ZNF710: variants seen among roughly 807,000 people sequenced by gnomAD.
The protein encoded by ZNF710 is zinc finger protein 710.
ZNF710 carries 13 observed loss-of-function variants against 50.6 expected under a neutral mutation model. The ratio of observed to expected loss-of-function variants is 0.26; its 90% CI spans 0.17 to 0.41. The LOEUF is 0.41. ZNF710 is among the 10% of genes least tolerant of loss of function. The pLI, the probability that ZNF710 is intolerant of heterozygous loss-of-function variation, is 1.00. For synonymous variants in ZNF710, 383 were observed against 397.0 expected (o/e 0.96, Z 0.42); for missense variants, 721 against 936.6 (o/e 0.77, Z 3.01).
chr15:90,071,677 C>CTTTTTTTTTTTTTTTTT (rs201729973), intron 2 of ZNF710, among the ~76,000 whole-genome samples: 2 of 127,260 alleles, frequency 1.6e-5, no homozygotes, highest in African/African-American at 2.9e-5. Context: ...TTTATTTTTA[C>CTTTTTTTTTTTTTTTTT]TCTTTTTTTT....
In ZNF710 at chr15:90,068,539, T is replaced by C. The variant is rs1363108332; in HGVS notation, c.1402T>C (p.Cys468Arg). ...CGTGCGACCCTTCGTGTGCACTGAA[T>C]GCGGCATGGAGTTCAGCCAGATTCA... ...QNVRPFVCTE[C>R]GMEFSQIHHL... is the part of the protein sequence containing the mutation. Residue 468 changes from cysteine to arginine, a missense_variant, in exon 2 of 5, where the codon TGC becomes CGC. Coordinates refer to ENST00000268154, the MANE Select transcript of ZNF710 (RefSeq NM_198526.4). This position sits in a 1 kb window ranked among gnomAD's most constrained non-coding sequence, Gnocchi z 5.0. The C allele has an allele frequency of 6.2e-7, 1 of 1,611,846 alleles. No homozygotes were observed.
chr15:90,005,128 C>T (rs774442637), intron 1 of ZNF710, among the ~76,000 whole-genome samples: 26 of 152,152 alleles, frequency 1.7e-4, no homozygotes, highest in Non-Finnish European at 3.5e-4. Context: ...TGTACTAGAA[C>T]GTTTGTGAGG....
chr15:90,048,413 C>T (rs1055177777), intron 1 of ZNF710, among the ~76,000 whole-genome samples: 4 of 152,236 alleles, frequency 2.6e-5, no homozygotes, highest in South Asian at 2.1e-4. Context: ...AGAGCCAGGA[C>T]GAAGCCCTGG....
intron 1 of ZNF710, among the ~76,000 whole-genome samples, chr15:90,017,971 C>CAAAGGCTAGCTTT (rs1156265935): frequency 4.6e-5 from 7 of 150,780 alleles, no homozygotes; most frequent in Non-Finnish European, 8.8e-5. Flanking sequence ...TCTCTCTTAG[C>CAAAGGCTAGCTTT]AAAGGCTAGC....
rs1567236953 is a variant in ZNF710 at position 90,058,721 on chromosome 15, A to ATATATATATATATATGTATG, written c.-28-8389_-28-8388insTATATATATATATATGTATG. 2.0e-3 allele frequency among the ~76,000 whole-genome samples: 296 copies of ATATATATATATATATGTATG among 144,524 alleles called. 6 individuals are homozygous for ATATATATATATATATGTATG. The highest frequency in any genetic ancestry group is 7.8e-3 in the African/African-American group (270 of 34,518). 94.8% of individuals were successfully genotyped at this position (144,524 alleles called of 152,430 possible). The stretch of plus-strand genomic sequence containing the variant: ...TATATTTATATATATATATATATAC[A>ATATATATATATATATGTATG]CACATATACACACACACGTACACAG... On this transcript the variant is annotated intron_variant, in intron 1 of 4. Transcript: ENST00000268154.
intron 3 of ZNF710, 24 bp downstream of exon 3, chr15:90,073,286 G>T (rs369870358): frequency 1.2e-6 from 2 of 1,605,298 alleles, no homozygotes; most frequent in Non-Finnish European, 1.7e-6. Flanking sequence ...AGGCCCCGGG[G>T]CTGGGACCTC....
chr15:90,019,187 C>CTTATTTTTTTTTTTTTTTTTTT (rs1898539265), intron 1 of ZNF710, among the ~76,000 whole-genome samples: 1 of 89,388 alleles, frequency 1.1e-5, no homozygotes, highest in Non-Finnish European at 2.1e-5. Context: ...CTTTTTCTTT[C>CTTATTTTTTTTTTTTTTTTTTT]TTTTTTTTTT....
chr15:90,020,117 G>A (rs915544157), intron 1 of ZNF710, among the ~76,000 whole-genome samples: 1 of 152,146 alleles, frequency 6.6e-6, no homozygotes, highest in African/African-American at 2.4e-5. Flanking sequence ...TGGAATTACT[G>A]AGGAAGTAGC....
intron 1 of ZNF710, among the ~76,000 whole-genome samples, chr15:90,043,253 G>A (rs1899355707): frequency 6.6e-6 from 1 of 152,256 alleles, no homozygotes; most frequent in South Asian, 2.1e-4. Flanking sequence ...CCCGCTACCT[G>A]GTTAAGGGCC....
intron 1 of ZNF710, among the ~76,000 whole-genome samples, chr15:90,018,975 G>A (rs1489017784): frequency 6.7e-6 from 1 of 148,818 alleles, no homozygotes; most frequent in Non-Finnish European, 1.5e-5. Context: ...TCTTCCTTTT[G>A]TTTTTTAGAA....
intron 1 of ZNF710, among the ~76,000 whole-genome samples, chr15:90,030,056 A>G (rs1333646381): frequency 6.6e-6 from 1 of 151,918 alleles, no homozygotes; most frequent in Non-Finnish European, 1.5e-5. Flanking sequence ...TCGGCCGGGC[A>G]CAGTGGCTCA....
chr15:90,005,414 G>A (rs1244940965), intron 1 of ZNF710, among the ~76,000 whole-genome samples: 1 of 152,128 alleles, frequency 6.6e-6, no homozygotes, highest in East Asian at 1.9e-4. Context: ...GGAGCCCCTG[G>A]GTGGAGACTT....
intron 1 of ZNF710, among the ~76,000 whole-genome samples, chr15:90,017,651 C>T (rs903621411): frequency 6.6e-6 from 1 of 151,780 alleles, no homozygotes; most frequent in African/African-American, 2.4e-5. Context: ...AATGACCCAT[C>T]CTGTCCACTT....
chr15:90,030,081 A>T (rs567148876), intron 1 of ZNF710, among the ~76,000 whole-genome samples: 1 of 151,406 alleles, frequency 6.6e-6, no homozygotes, highest in Admixed American at 6.6e-5. Flanking sequence ...TGTAATCCCA[A>T]CACTTTGGGA....
intron 2 of ZNF710, among the ~76,000 whole-genome samples, chr15:90,072,668 CAG>C (rs1280080080): frequency 6.6e-6 from 1 of 152,152 alleles, no homozygotes; most frequent in Admixed American, 6.5e-5. Context: ...TTCTTGGCGA[CAG>C]ACCCCTGCCG....
chr15:90,081,488 C>A lies in ZNF710; in HGVS notation c.*1659C>A, dbSNP rs1900720830. 1 of 152,204 alleles carries A rather than the reference C, an allele frequency of 6.6e-6. No homozygotes were observed. Among genetic ancestry groups the A allele is most frequent in the African/African-American group, 2.4e-5 (1 of 41,418 alleles). The allele number at this position is 152,204 out of a possible 1,614,324, so 9.4% of individuals were successfully genotyped here. A position where few individuals can be genotyped will look rare whatever the true frequency, so the allele number is the denominator to read the frequency against. On this transcript the variant is annotated 3_prime_UTR_variant, in exon 5 of 5. Transcript: ENST00000268154. ...AGCGCAGCCACCCCCAAGGCTGGATCCTTAAGTGAAGGACCAAGCCAGGCC... is the reference window on the plus strand; with the variant it reads ...AGCGCAGCCACCCCCAAGGCTGGATACTTAAGTGAAGGACCAAGCCAGGCC...
chr15:90,002,671 T>G (rs1898044461), intron 1 of ZNF710: 2 of 152,266 alleles, frequency 1.3e-5, no homozygotes, highest in African/African-American at 2.4e-5. Flanking sequence ...TGCTAACTAG[T>G]GCGTATCGGG....
chr15:90,054,469 G>T (rs1260121821), intron 1 of ZNF710, among the ~76,000 whole-genome samples: 1 of 152,218 alleles, frequency 6.6e-6, no homozygotes, highest in Non-Finnish European at 1.5e-5. Context: ...GAGAGCTGAG[G>T]TGGAGAGGGC....
chr15:90,021,246 C>T (rs1007430076), intron 1 of ZNF710, among the ~76,000 whole-genome samples: 4 of 152,184 alleles, frequency 2.6e-5, no homozygotes, highest in Non-Finnish European at 5.9e-5. Context: ...GAAAGAGCCC[C>T]GCTGAAGCGG....
Sources: allele counts gnomAD v4.1 joint callset (sites outside exome capture counted in the v4.1 genomes callset), GRCh38; gene constraint gnomAD v4.1.1; non-coding constraint Gnocchi (gnomAD v3.1); transcripts MANE v1.5; gene names NCBI Gene and HGNC (gene_info 2026-07-23, HGNC 2026-07-21).